The following FUT8 variants were observed in gnomAD, a reference collection of about 807,000 sequenced individuals.
FUT8 encodes the protein alpha-(1,6)-fucosyltransferase.
In FUT8, 29 loss-of-function variants were observed where a neutral mutation model predicts 71.3. The observed-to-expected ratio is 0.41, with a 90% CI of 0.30 to 0.55. The LOEUF (loss-of-function observed/expected upper bound fraction) is 0.55, where lower values mean the gene tolerates loss of function less well. Among genes scored for constraint, FUT8 ranks in the 20% least tolerant of loss-of-function variants. The pLI, the probability that FUT8 is intolerant of heterozygous loss-of-function variation, is 0.34. For synonymous variants in FUT8, 254 were observed against 239.3 expected, an observed-to-expected ratio of 1.06 and a Z score of -0.57; for missense variants, 544 against 702.1, an observed-to-expected ratio of 0.77 and a Z score of 2.55.
chr14:65,644,768 A>G (rs1891044115), intron 6 of FUT8, among the ~76,000 whole-genome samples: 1 of 152,218 alleles, frequency 6.6e-6, no homozygotes, highest in South Asian at 2.1e-4. Context: ...ATTAACATAT[A>G]TAACCTTGTT....
intron 2 of FUT8, among the ~76,000 whole-genome samples, chr14:65,553,034 C>T (rs949243400): frequency 3.3e-5 from 5 of 152,124 alleles, no homozygotes; most frequent in Non-Finnish European, 2.9e-5. Flanking sequence ...CGGCTCTCTG[C>T]AGCCTCAACC....
the FUT8 span, among the ~76,000 whole-genome samples, chr14:65,392,657 A>G: frequency 6.6e-3 from 1,012 of 152,312 alleles, 16 homozygotes; most frequent in African/African-American, 0.023. Context: ...ATTGTGTAGA[A>G]ATCACTATAA....
At chr14:65,364,054 C>G in the FUT8 span, among the ~76,000 whole-genome samples, 1 of 152,126 alleles carries the variant, frequency 6.6e-6, no homozygotes, top group African/African-American at 2.4e-5. Context: ...CACTGGTTCT[C>G]CTACTATTGT....
Position 65,652,478 on chromosome 14 carries a change from G to A in FUT8, c.598-16765G>A, listed in dbSNP as rs902965505. Among the ~76,000 whole-genome samples the A allele has an allele frequency of 6.6e-5, 10 of 152,190 alleles. No individual in the cohort carries two copies. The highest frequency in any genetic ancestry group is 2.9e-5 in the Non-Finnish European group (2 of 68,032). Reference sequence around the variant, plus strand: ...TGTGAGAAGCTTGAGAGGACATGATGCTTTGGAGCTGTTACAACCATCTTG... The same window carrying A: ...TGTGAGAAGCTTGAGAGGACATGATACTTTGGAGCTGTTACAACCATCTTG... On this transcript the variant is annotated intron_variant, in intron 6 of 10. Coordinates refer to ENST00000673929, the MANE Select transcript of FUT8 (RefSeq NM_001371533.1). The surrounding 1 kb of genome is among the most constrained non-coding windows in gnomAD (Gnocchi z 4.0).
chr14:65,402,196 A>ATT, the FUT8 span, among the ~76,000 whole-genome samples: 25 of 75,842 alleles, frequency 3.3e-4, no homozygotes, highest in African/African-American at 7.7e-4. Context: ...ATGGAGTGTG[A>ATT]TTTTTTTTTT....
intron 2 of FUT8, among the ~76,000 whole-genome samples, chr14:65,475,469 C>T (rs964986155): frequency 4.6e-5 from 7 of 152,016 alleles, no homozygotes; most frequent in African/African-American, 1.7e-4. Flanking sequence ...TTAAAAGTGT[C>T]AGGATGATGC....
intron 1 of FUT8, among the ~76,000 whole-genome samples, chr14:65,429,988 G>A (rs2065447295): frequency 6.6e-6 from 1 of 150,854 alleles, no homozygotes; most frequent in Non-Finnish European, 1.5e-5. Context: ...AACTCTCTGA[G>A]GTGACTGTTC....
chr14:65,360,495 G>T, the FUT8 span, among the ~76,000 whole-genome samples: 3 of 152,348 alleles, frequency 2.0e-5, no homozygotes, highest in South Asian at 6.2e-4. Context: ...TACTTCAGAG[G>T]ACTGGCCTAT....
chr14:65,361,807 C>CAAATAAAT, the FUT8 span, among the ~76,000 whole-genome samples: 614 of 135,734 alleles, frequency 4.5e-3, 2 homozygotes, highest in African/African-American at 0.013. Context: ...AACAAACAAA[C>CAAATAAAT]AAATAAATAA....
rs558964727 is a variant in FUT8 at position 65,628,383 on chromosome 14, A to G, written c.483-1109A>G. The stretch of plus-strand genomic sequence containing the variant: ...AGTAACATTATTTGTTGATGTTGTA[A>G]CAGGATCTAGCTGATATATTGAGAA... On this transcript the variant is annotated intron_variant, in intron 5 of 10. Transcript: ENST00000673929. Among the ~76,000 whole-genome samples the G allele has an allele frequency of 2.6e-5, 4 of 152,332 alleles. No individual in the cohort carries two copies. In the East Asian group the frequency reaches 7.7e-4, roughly 29 times the overall value.
At chr14:65,697,904 G>A (rs1042812703) in intron 7 of FUT8, among the ~76,000 whole-genome samples, 2 of 152,056 alleles carry the variant, frequency 1.3e-5, no homozygotes, top group African/African-American at 4.8e-5. Context: ...GAACCCAGGA[G>A]GTGGAGGTTG....
intron 1 of FUT8, among the ~76,000 whole-genome samples, chr14:65,415,779 TC>T (rs1435336585): frequency 6.6e-6 from 1 of 151,934 alleles, no homozygotes; most frequent in Non-Finnish European, 1.5e-5. Flanking sequence ...AACCCTTATC[TC>T]CTGCAGTATA....
intron 2 of FUT8, among the ~76,000 whole-genome samples, chr14:65,457,487 C>T (rs945514157): frequency 1.3e-5 from 2 of 152,024 alleles, no homozygotes; most frequent in African/African-American, 2.4e-5. Context: ...TGTAGCAAGA[C>T]GAGCTGCAGA....
At chr14:65,392,160 G>A in the FUT8 span, among the ~76,000 whole-genome samples, 1 of 151,978 alleles carries the variant, frequency 6.6e-6, no homozygotes, top group Non-Finnish European at 1.5e-5. Context: ...TCAAACTCCC[G>A]ACCTCAGGTG....
intron 3 of FUT8, among the ~76,000 whole-genome samples, chr14:65,582,128 C>T (rs1464820670): frequency 6.6e-6 from 1 of 152,090 alleles, no homozygotes; most frequent in African/African-American, 2.4e-5. Context: ...GCATAAGTGT[C>T]ACATGATGAG....
intron 3 of FUT8, among the ~76,000 whole-genome samples, chr14:65,577,563 T>C (rs539729141): frequency 6.6e-6 from 1 of 152,204 alleles, no homozygotes; most frequent in South Asian, 2.1e-4. Context: ...TAATGGTAGC[T>C]GATAATCCAA....
the FUT8 span, among the ~76,000 whole-genome samples, chr14:65,370,786 C>A: frequency 6.6e-6 from 1 of 152,002 alleles, no homozygotes; most frequent in African/African-American, 2.4e-5. Flanking sequence ...AAAAACAAAC[C>A]GTTTATTAAC....
chr14:65,518,991 G>C (rs1882900467), intron 2 of FUT8, among the ~76,000 whole-genome samples: 4 of 152,066 alleles, frequency 2.6e-5, no homozygotes, highest in Admixed American at 2.6e-4. Context: ...CACATAATGA[G>C]GTCTACTATG....
chr14:65,723,477 T>TGAC (rs1895528574), intron 8 of FUT8, among the ~76,000 whole-genome samples: 1 of 152,204 alleles, frequency 6.6e-6, no homozygotes, highest in Non-Finnish European at 1.5e-5. Flanking sequence ...GTGAAATTAA[T>TGAC]ATCTGCTGTC....
Sources: allele counts gnomAD v4.1 joint callset (sites outside exome capture counted in the v4.1 genomes callset), GRCh38; gene constraint gnomAD v4.1.1; non-coding constraint Gnocchi (gnomAD v3.1); transcripts MANE v1.5; gene names NCBI Gene and HGNC (gene_info 2026-07-23, HGNC 2026-07-21).